Variants in ING1 observed in about 807,000 individuals in gnomAD.
ING1 encodes inhibitor of growth protein 1.
Under a neutral mutation model 23.1 loss-of-function variants are expected in ING1, and 4 were observed. That is an observed-to-expected ratio of 0.17 (90% CI 0.09 to 0.40). The LOEUF is 0.40. Ranked by LOEUF, ING1 falls within the 10% of genes least tolerant of loss-of-function variation. The pLI is 1.00. For missense variants in ING1, 256 were observed against 393.8 expected (o/e 0.65, Z 2.96); for synonymous variants, 179 against 166.4 (o/e 1.08, Z -0.58).
chr13:110,714,218 C>T lies in ING1; in HGVS notation c.69C>T (p.Ile23=), dbSNP rs2064079150. 1.0e-5 allele frequency: 16 copies of T among 1,570,988 alleles called. No individual in the cohort carries two copies. Among genetic ancestry groups the T allele is most frequent in the Non-Finnish European group, 1.2e-5 (14 of 1,160,492 alleles). ...VNYVEDYLDS[I]ESLPFDLQRN... ...ATGTGGAGGACTACCTGGACTCCATCGAGTCCCTGCCTTTCGACTTGCAGA... is the reference window on the plus strand; with the variant it reads ...ATGTGGAGGACTACCTGGACTCCATTGAGTCCCTGCCTTTCGACTTGCAGA... Residue 23 remains isoleucine (I), a synonymous_variant, in exon 1 of 2, where the codon ATC becomes ATT. Coordinates refer to ENST00000333219, the MANE Select transcript of ING1 (RefSeq NM_198219.3).
chr13:110,715,692 T>G (rs1295318525), intron 1 of ING1: 1 of 1,600,068 alleles, frequency 6.2e-7, no homozygotes, highest in Admixed American at 1.8e-5. Context: ...TGCGGTGTGG[T>G]TGGTTCTCCT....
At chr13:110,713,582 G>C, upstream of ING1, 3 of 985,834 alleles carry the variant, frequency 3.0e-6, no homozygotes, top group Non-Finnish European at 3.6e-6. Flanking sequence ...CCAGGGCCTG[G>C]GACGGTGAGG....
intron 1 of ING1, among the ~76,000 whole-genome samples, chr13:110,716,545 T>G (rs531158384): frequency 5.9e-5 from 9 of 152,348 alleles, no homozygotes; most frequent in African/African-American, 2.2e-4. Context: ...ATAATTAGTT[T>G]GTCGATTTAA....
At position 110,713,970 on chromosome 13, in the gene ING1, C is replaced by T. The variant is rs1431091861; in HGVS notation, c.-180C>T. 2.8e-6 allele frequency: 3 copies of T among 1,064,738 alleles called. No individual in the cohort carries two copies. In the African/African-American group the frequency reaches 5.1e-5, roughly 18 times the overall value. 66.0% of individuals were successfully genotyped at this position (1,064,738 alleles called of 1,614,324 possible). ...CCGCGCCCTCAGGCGCTGGGGTCCC[C>T]GCGGACCCGGAGGCGGCGGACGGGC... On this transcript the variant is annotated 5_prime_UTR_variant, in exon 1 of 2. Coordinates refer to ENST00000333219, the MANE Select transcript of ING1 (RefSeq NM_198219.3).
rs1457885977 is a variant in ING1 at position 110,721,900 on chromosome 13, A to G, written c.*1968A>G. 3.9e-5 allele frequency: 6 copies of G among 152,210 alleles called. No individual in the cohort carries two copies. The East Asian group carries it at 5.8e-4, about 15-fold the overall frequency. The allele number at this position is 152,210 out of a possible 1,614,324, so 9.4% of individuals were successfully genotyped here. A position where few individuals can be genotyped will look rare whatever the true frequency, so the allele number is the denominator to read the frequency against. On this transcript the variant is annotated 3_prime_UTR_variant, in exon 2 of 2. Transcript: ENST00000333219. Reference sequence around the variant, plus strand: ...TACGTGGTTCCCTTTAACTTCGCACATGGTAAAATCAGTTTCTTTCCATGA... The same window carrying G: ...TACGTGGTTCCCTTTAACTTCGCACGTGGTAAAATCAGTTTCTTTCCATGA...
chr13:110,718,873 AAAT>A (rs2064145975), intron 1 of ING1, among the ~76,000 whole-genome samples: 1 of 152,234 alleles, frequency 6.6e-6, no homozygotes, highest in Non-Finnish European at 1.5e-5. Flanking sequence ...AAGTATTAAT[AAAT>A]GTTGGGTCCC....
At chr13:110,714,871 G>C in intron 1 of ING1, 1 of 633,150 alleles carries the variant, frequency 1.6e-6, no homozygotes, top group Non-Finnish European at 2.0e-6. Flanking sequence ...CCCTCACTTG[G>C]AGCTGGACAC....
rs529752322 is a variant in ING1 at position 110,722,823 on chromosome 13, A to G, written c.*2891A>G. 1 of 152,218 alleles carries G rather than the reference A, an allele frequency of 6.6e-6. No individual in the cohort carries two copies. The highest frequency in any genetic ancestry group is 2.4e-5 in the African/African-American group (1 of 41,454). The allele number at this position is 152,218 out of a possible 1,614,324, so 9.4% of individuals were successfully genotyped here. On this transcript the variant is annotated 3_prime_UTR_variant, in exon 2 of 2. Coordinates refer to ENST00000333219, the MANE Select transcript of ING1 (RefSeq NM_198219.3). ...ATCACTCTTGTTATTTCCAGTGGAC[A>G]TTAAAAAAAAATCACAGATAAGTAC... is the stretch of plus-strand genomic sequence containing the variant.
At chr13:110,712,975 T>C (rs190068917), upstream of ING1, 367 of 1,558,006 alleles carry the variant, frequency 2.4e-4, 1 homozygote, top group African/African-American at 1.1e-3. Context: ...GGCCGCGGAA[T>C]GGGTAGGTCT....
At chr13:110,713,090 G>T, upstream of ING1, 1 of 1,440,750 alleles carries the variant, frequency 6.9e-7, no homozygotes, top group Non-Finnish European at 9.1e-7. Context: ...TCCGCCTCCC[G>T]GAGGACTTGG....
In ING1 at chr13:110,720,102, T is replaced by C. The variant is rs1356823317; in HGVS notation, c.*170T>C. On this transcript the variant is annotated 3_prime_UTR_variant, in exon 2 of 2. Coordinates refer to ENST00000333219, the MANE Select transcript of ING1 (RefSeq NM_198219.3). ...TGATTCTGTTTGCCTTTTGTTTTCA[T>C]TGGTACACGTGTAACAAGAAAGTGG... 7.1e-6 allele frequency: 4 copies of C among 564,986 alleles called. No homozygotes were observed. The highest frequency in any genetic ancestry group is 3.9e-5 in the African/African-American group (2 of 51,334). The allele number at this position is 564,986 out of a possible 1,614,324, so 35.0% of individuals were successfully genotyped here.
Position 110,719,664 on chromosome 13 carries a change from A to G in ING1, c.572A>G (p.Lys191Arg), listed in dbSNP as rs758208164. 9.3e-6 allele frequency: 15 copies of G among 1,613,356 alleles called. No homozygotes were observed. In the African/African-American group the frequency reaches 1.7e-4, roughly 19 times the overall value. ...AKTSKKKKRS[K>R]AKAEREASPA... Reference sequence around the variant, plus strand: ...ACCTCCAAGAAGAAGAAGCGCTCCAAGGCCAAGGCGGAGCGAGAGGCGTCC... The same window carrying G: ...ACCTCCAAGAAGAAGAAGCGCTCCAGGGCCAAGGCGGAGCGAGAGGCGTCC... Residue 191 changes from lysine (K) to arginine (R), a missense_variant, in exon 2 of 2, where the codon AAG (lysine) becomes AGG (arginine). Around this residue, in one of 3 missense-constraint regions of ING1, gnomAD observed 209 missense variants for 273.8 expected, o/e 0.76. Transcript: ENST00000333219. The surrounding 1 kb of genome is among the most constrained non-coding windows in gnomAD (Gnocchi z 8.9).
At chr13:110,713,088 C>T (rs1466223292), upstream of ING1, 14 of 1,442,502 alleles carry the variant, frequency 9.7e-6, no homozygotes, top group African/African-American at 1.4e-5. Flanking sequence ...CTTCCGCCTC[C>T]CGGAGGACTT....
chr13:110,715,637 G>C, intron 1 of ING1: 1 of 1,613,744 alleles, frequency 6.2e-7, no homozygotes, highest in South Asian at 1.1e-5. Flanking sequence ...CTCCAGCCTT[G>C]GATTGGTTCT....
Position 110,714,113 on chromosome 13 carries a change from A to G in ING1, c.-37A>G. The G allele has an allele frequency of 2.7e-6, 4 of 1,501,430 alleles. No individual in the cohort carries two copies. The highest frequency in any genetic ancestry group is 3.6e-6 in the Non-Finnish European group (4 of 1,122,032). 93.0% of individuals were successfully genotyped at this position (1,501,430 alleles called of 1,614,324 possible). A position where few individuals can be genotyped will look rare whatever the true frequency, so the allele number is the denominator to read the frequency against. Reference sequence around the variant, plus strand: ...GGGGCGGGGGGTGGAGGAAGCGGAAAGCCGCGCCGAGTCGCCGGGGACCTC... The same window carrying G: ...GGGGCGGGGGGTGGAGGAAGCGGAAGGCCGCGCCGAGTCGCCGGGGACCTC... On this transcript the variant is annotated 5_prime_UTR_variant, in exon 1 of 2. Transcript: ENST00000333219.
At chr13:110,716,185 G>A (rs2064121636) in intron 1 of ING1, among the ~76,000 whole-genome samples, 1 of 152,232 alleles carries the variant, frequency 6.6e-6, no homozygotes, top group Non-Finnish European at 1.5e-5. Flanking sequence ...CGCGGGGCGG[G>A]GTGCAGGGTT....
chr13:110,717,987 C>T (rs2064138641), intron 1 of ING1, among the ~76,000 whole-genome samples: 1 of 152,200 alleles, frequency 6.6e-6, no homozygotes, highest in Non-Finnish European at 1.5e-5. Context: ...AGGCTGTTTA[C>T]TTCAACTAGA....
At chr13:110,715,768 T>G in intron 1 of ING1, 1 of 1,586,176 alleles carries the variant, frequency 6.3e-7, no homozygotes, top group South Asian at 1.1e-5. Flanking sequence ...GGGGCGAGTC[T>G]CCCGCTGGCC....
At chr13:110,715,663 G>A in intron 1 of ING1, 1 of 1,610,380 alleles carries the variant, frequency 6.2e-7, no homozygotes, top group Non-Finnish European at 8.5e-7. Context: ...CTGCTGGGGC[G>A]GGCCGTGCTC....
Sources: allele counts gnomAD v4.1 joint callset (sites outside exome capture counted in the v4.1 genomes callset), GRCh38; gene constraint gnomAD v4.1.1; regional missense constraint gnomAD v4.1.1; non-coding constraint Gnocchi (gnomAD v3.1); transcripts MANE v1.5; gene names NCBI Gene and HGNC (gene_info 2026-07-23, HGNC 2026-07-21).